Variants in NCMAP observed in about 807,000 individuals in gnomAD.
NCMAP encodes the protein noncompact myelin-associated protein.
A neutral mutation model predicts 7.8 loss-of-function variants in NCMAP; 8 were observed. That is an observed-to-expected ratio of 1.02 (90% CI 0.60 to 1.84). NCMAP has a LOEUF of 1.84. Among genes scored for constraint, NCMAP ranks in the 40% most tolerant of loss-of-function variants. The pLI, the probability that NCMAP is intolerant of heterozygous loss-of-function variation, is 0.00. For missense variants in NCMAP, 112 were observed against 131.4 expected (o/e 0.85, Z 0.72); for synonymous variants, 41 against 52.9 (o/e 0.78, Z 0.98).
At chr1:24,598,862 T>C (rs1483048069) in intron 2 of NCMAP, among the ~76,000 whole-genome samples, 1 of 149,522 alleles carries the variant, frequency 6.7e-6, no homozygotes, top group Non-Finnish European at 1.5e-5. Flanking sequence ...GGTCTCAAAC[T>C]CCTGACCTCA....
chr1:24,573,069 C>A (rs1651437799), intron 1 of NCMAP, among the ~76,000 whole-genome samples: 1 of 150,500 alleles, frequency 6.6e-6, no homozygotes, highest in Non-Finnish European at 1.5e-5. Context: ...ACCCTCTACA[C>A]CCCAGGTCTA....
At chr1:24,600,163 T>C (rs1348062921) in intron 2 of NCMAP, among the ~76,000 whole-genome samples, 1 of 149,644 alleles carries the variant, frequency 6.7e-6, no homozygotes, top group Non-Finnish European at 1.5e-5. Context: ...TTTATTTTTA[T>C]TTTTTGAGAT....
In NCMAP at chr1:24,576,196, C is replaced by T. The variant is rs1404132422; in HGVS notation, c.-7-19228C>T. Among the ~76,000 whole-genome samples, 1 of 152,196 alleles carries T rather than the reference C, an allele frequency of 6.6e-6. No individual in the cohort carries two copies. Among genetic ancestry groups the T allele is most frequent in the Non-Finnish European group, 1.5e-5 (1 of 68,042 alleles). On this transcript the variant is annotated intron_variant, in intron 1 of 3. Coordinates refer to ENST00000374392, the MANE Select transcript of NCMAP (RefSeq NM_001010980.5). The surrounding 1 kb of genome is among the most constrained non-coding windows in gnomAD (Gnocchi z 4.0). ...CAGTTTCCCAGCCACAGAAAGGCCA[C>T]TTAGGTCTGTGCGGCATCCACATCC... is the stretch of plus-strand genomic sequence containing the variant.
chr1:24,562,017 A>G (rs965471963), intron 1 of NCMAP, among the ~76,000 whole-genome samples: 2 of 152,112 alleles, frequency 1.3e-5, no homozygotes, highest in Non-Finnish European at 2.9e-5. Context: ...TTGCTGGAAA[A>G]TGAAACTTGG....
At chr1:24,564,051 A>C (rs897071202) in intron 1 of NCMAP, 3 of 152,234 alleles carry the variant, frequency 2.0e-5, no homozygotes, top group African/African-American at 7.2e-5. Flanking sequence ...TCAAGCCAAA[A>C]CATTAGCTAT....
intron 1 of NCMAP, among the ~76,000 whole-genome samples, chr1:24,573,458 T>A (rs944022932): frequency 1.5e-4 from 22 of 150,580 alleles, no homozygotes; most frequent in Non-Finnish European, 1.5e-5. Flanking sequence ...CGTGGCAGTG[T>A]GTGCCTGTAA....
chr1:24,575,801 C>T (rs980986418), intron 1 of NCMAP, among the ~76,000 whole-genome samples: 6 of 151,210 alleles, frequency 4.0e-5, no homozygotes, highest in Admixed American at 2.0e-4. Flanking sequence ...CAAAATTAGC[C>T]GGGCGTGGTG....
intron 1 of NCMAP, among the ~76,000 whole-genome samples, chr1:24,579,730 A>AAAAT (rs558353135): frequency 5.3e-5 from 8 of 152,232 alleles, no homozygotes; most frequent in African/African-American, 1.7e-4. Flanking sequence ...CCTTGTTTCA[A>AAAAT]AAATAAATAA....
chr1:24,596,245 C>T (rs1198763112), intron 2 of NCMAP, among the ~76,000 whole-genome samples: 1 of 152,140 alleles, frequency 6.6e-6, no homozygotes, highest in Non-Finnish European at 1.5e-5. Context: ...TGCACTCCAG[C>T]CTGGGCAACA....
chr1:24,567,531 G>A (rs1651262857), intron 1 of NCMAP, among the ~76,000 whole-genome samples: 1 of 152,140 alleles, frequency 6.6e-6, no homozygotes, highest in African/African-American at 2.4e-5. Context: ...CACAGGCCTG[G>A]TCTATACAGT....
intron 3 of NCMAP, among the ~76,000 whole-genome samples, chr1:24,605,212 C>T (rs1339364395): frequency 6.6e-6 from 1 of 152,016 alleles, no homozygotes; most frequent in Non-Finnish European, 1.5e-5. Flanking sequence ...AGTACATTCT[C>T]TTTTCAATTA....
chr1:24,559,853 C>T (rs1357340836), intron 1 of NCMAP, among the ~76,000 whole-genome samples: 1 of 152,232 alleles, frequency 6.6e-6, no homozygotes, highest in Admixed American at 6.5e-5. Flanking sequence ...CGATAGTACC[C>T]TCTGCAATCA....
intron 1 of NCMAP, among the ~76,000 whole-genome samples, chr1:24,565,596 G>GTA (rs1284410240): frequency 6.7e-6 from 1 of 150,164 alleles, no homozygotes; most frequent in Non-Finnish European, 1.5e-5. Context: ...GTGTGTGTGT[G>GTA]TGTGTGTGTG....
At chr1:24,573,222 G>A (rs1651441456) in intron 1 of NCMAP, among the ~76,000 whole-genome samples, 1 of 150,708 alleles carries the variant, frequency 6.6e-6, no homozygotes, top group South Asian at 2.1e-4. Flanking sequence ...AGGTGGTTCG[G>A]CTCAAACACA....
intron 1 of NCMAP, among the ~76,000 whole-genome samples, chr1:24,574,982 G>T (rs1037783237): frequency 6.6e-6 from 1 of 151,938 alleles, no homozygotes; most frequent in Non-Finnish European, 1.5e-5. Flanking sequence ...TAGAGATGCG[G>T]TTTCAACATG....
At chr1:24,597,760 A>G (rs1652311786) in intron 2 of NCMAP, among the ~76,000 whole-genome samples, 2 of 152,174 alleles carry the variant, frequency 1.3e-5, no homozygotes, top group Admixed American at 1.3e-4. Context: ...GGGTTACCAG[A>G]TTTAGCAAAT....
chr1:24,586,418 T>C (rs2148932703), intron 1 of NCMAP, among the ~76,000 whole-genome samples: 1 of 152,344 alleles, frequency 6.6e-6, no homozygotes, highest in South Asian at 2.1e-4. Flanking sequence ...CATCATGATA[T>C]TGTCATCATG....
rs1285857704 is a variant in NCMAP at position 24,605,677 on chromosome 1, A to G, written c.239A>G (p.Asn80Ser). ...KPTAPSAVGP[N>S]SNGSQHPATV... is the part of the protein sequence containing the mutation. The stretch of plus-strand genomic sequence containing the variant: ...ACCGCCCCTTCTGCCGTGGGCCCAA[A>G]CAGCAACGGCAGCCAACACCCAGCA... Residue 80 changes from asparagine to serine, a missense_variant, in exon 4 of 4, where the codon AAC becomes AGC. Transcript: ENST00000374392. 2 of 1,614,158 alleles carry G rather than the reference A, an allele frequency of 1.2e-6. No homozygotes were observed. The highest frequency in any genetic ancestry group is 2.2e-5 in the South Asian group (2 of 91,080).
At position 24,573,104 on chromosome 1, in the gene NCMAP, C is replaced by A. The variant is rs578047513; in HGVS notation, c.-8+16935C>A. 4.0e-5 allele frequency among the ~76,000 whole-genome samples: 6 copies of A among 150,794 alleles called. No homozygotes were observed. In the South Asian group the frequency reaches 1.0e-3, roughly 26 times the overall value. Reference sequence around the variant, plus strand: ...AGGAAAGCCAGGCCCTGCTCACACACCTCCACGCCTGTCTATGGGGCAGAC... The same window carrying A: ...AGGAAAGCCAGGCCCTGCTCACACAACTCCACGCCTGTCTATGGGGCAGAC... On this transcript the variant is annotated intron_variant, in intron 1 of 3. Transcript: ENST00000374392.
Sources: gnomAD v4.1 joint callset for allele counts (sites outside exome capture counted in the v4.1 genomes callset) on GRCh38, gnomAD v4.1.1 for gene constraint, Gnocchi (gnomAD v3.1) non-coding constraint, MANE v1.5 for transcripts, NCBI Gene and HGNC (gene_info 2026-07-23, HGNC 2026-07-21) for gene names.